Variants in CSGALNACT1 observed in about 807,000 individuals in gnomAD.
CSGALNACT1 encodes beta4GalNAcT-1.
In CSGALNACT1, 52 loss-of-function variants were observed where a neutral mutation model predicts 51.0. The observed-to-expected ratio is 1.02, with a 90% CI of 0.82 to 1.29. The LOEUF is 1.29. Ranked by LOEUF, CSGALNACT1 falls within the 50% of genes most tolerant of loss-of-function variation. The pLI is 0.00. For missense variants in CSGALNACT1, 935 were observed against 679.2 expected, an observed-to-expected ratio of 1.38 and a Z score of -4.19; for synonymous variants, 341 against 254.4, an observed-to-expected ratio of 1.34 and a Z score of -3.24.
At chr8:19,624,615 C>G (rs987093161) in intron 1 of CSGALNACT1, among the ~76,000 whole-genome samples, 8 of 151,832 alleles carry the variant, frequency 5.3e-5, no homozygotes, top group Non-Finnish European at 8.8e-5. Flanking sequence ...GGAGTCTCCC[C>G]CAAATGGTGA....
intron 5 of CSGALNACT1, among the ~76,000 whole-genome samples, chr8:19,457,293 C>A (rs1278284060): frequency 6.6e-6 from 1 of 152,152 alleles, no homozygotes; most frequent in Non-Finnish European, 1.5e-5. Flanking sequence ...GAACATTATG[C>A]CTTTCAATAA....
intron 3 of CSGALNACT1, among the ~76,000 whole-genome samples, chr8:19,586,407 G>GAAAAAAAAA (rs34752027): frequency 1.1e-5 from 1 of 94,812 alleles, no homozygotes; most frequent in Non-Finnish European, 2.6e-5. Context: ...TAGTCTTATA[G>GAAAAAAAAA]AAAAAAAAAA....
Position 19,478,240 on chromosome 8 carries a change from C to T in CSGALNACT1, c.635-19598G>A, listed in dbSNP as rs532461296. Among the ~76,000 whole-genome samples the T allele has an allele frequency of 7.2e-5, 11 of 151,912 alleles. No individual in the cohort carries two copies. The East Asian group carries it at 1.9e-3, about 27-fold the overall frequency. On this transcript the variant is annotated intron_variant, in intron 4 of 9. Coordinates refer to ENST00000454498, the Ensembl canonical transcript of CSGALNACT1. ...CCATCCTGGCTAACATGGTGAAACCCCGTCTCTACTAAAAATACAAAAAAT... is the reference window on the plus strand; with the variant it reads ...CCATCCTGGCTAACATGGTGAAACCTCGTCTCTACTAAAAATACAAAAAAT...
chr8:19,599,476 G>GAA (rs1554751276), intron 2 of CSGALNACT1, among the ~76,000 whole-genome samples: 1 of 61,150 alleles, frequency 1.6e-5, no homozygotes, highest in African/African-American at 6.4e-5. Context: ...GAAAGAAAAA[G>GAA]AAAGAAAGAA....
At chr8:19,748,380 T>G (rs2064814518) in intron 1 of CSGALNACT1, among the ~76,000 whole-genome samples, 1 of 152,150 alleles carries the variant, frequency 6.6e-6, no homozygotes, top group Non-Finnish European at 1.5e-5. Flanking sequence ...ATTCAAGATA[T>G]ATTTGATTAT....
At chr8:19,756,037 TA>T (rs1188828847) in intron 1 of CSGALNACT1, among the ~76,000 whole-genome samples, 6 of 152,154 alleles carry the variant, frequency 3.9e-5, no homozygotes, top group Non-Finnish European at 8.8e-5. Context: ...AAGGCTTACA[TA>T]AAAATTCATC....
chr8:19,512,641 G>A (rs561628208), intron 3 of CSGALNACT1, among the ~76,000 whole-genome samples: 15 of 152,116 alleles, frequency 9.9e-5, no homozygotes, highest in South Asian at 8.3e-4. Context: ...TCAGTTCTCC[G>A]TTTGAGAAAA....
intron 4 of CSGALNACT1, among the ~76,000 whole-genome samples, chr8:19,463,331 G>T (rs2065960654): frequency 6.6e-6 from 1 of 152,116 alleles, no homozygotes; most frequent in African/African-American, 2.4e-5. Flanking sequence ...TCCAGCAAAA[G>T]CCATACCCAG....
chr8:19,460,694 C>A (rs898635329), intron 4 of CSGALNACT1, among the ~76,000 whole-genome samples: 5 of 152,182 alleles, frequency 3.3e-5, no homozygotes, highest in African/African-American at 9.7e-5. Context: ...GATTTCTCTC[C>A]TGCCTAGAGT....
Position 19,466,716 on chromosome 8 carries a change from T to C in CSGALNACT1, c.635-8074A>G, listed in dbSNP as rs147300647. On this transcript the variant is annotated intron_variant, in intron 4 of 9. Transcript: ENST00000454498. ...TATAAATCCTCACATGCTCAGACGC[T>C]AGAAGGCAAATCACTCACCCCATGA... Among the ~76,000 whole-genome samples the C allele has an allele frequency of 1.6e-3, 250 of 152,182 alleles. 1 individual carries two copies. The highest frequency in any genetic ancestry group is 5.8e-3 in the African/African-American group (240 of 41,436).
intron 1 of CSGALNACT1, among the ~76,000 whole-genome samples, chr8:19,669,491 AC>A (rs1445648262): frequency 6.6e-6 from 1 of 152,146 alleles, no homozygotes; most frequent in Non-Finnish European, 1.5e-5. Context: ...TCCCTCTGTC[AC>A]CCAGGCTGGA....
chr8:19,468,390 C>T (rs778376790), intron 4 of CSGALNACT1, among the ~76,000 whole-genome samples: 69 of 152,010 alleles, frequency 4.5e-4, no homozygotes, highest in Non-Finnish European at 6.9e-4. Context: ...TGGAGCGGGA[C>T]GAGGGGTCAC....
upstream of CSGALNACT1, among the ~76,000 whole-genome samples, chr8:19,683,793 A>G (rs932330738): frequency 2.6e-5 from 4 of 151,226 alleles, no homozygotes; most frequent in African/African-American, 4.9e-5. Context: ...AAATGTAAGA[A>G]AAGTCAAGAA....
intron 1 of CSGALNACT1, among the ~76,000 whole-genome samples, chr8:19,681,748 G>T (rs1454339657): frequency 1.3e-5 from 2 of 152,220 alleles, no homozygotes; most frequent in African/African-American, 4.8e-5. Flanking sequence ...CCTGCCCTGG[G>T]AATGCCAGGC....
At chr8:19,537,871 A>G (rs956532571) in intron 3 of CSGALNACT1, among the ~76,000 whole-genome samples, 1 of 152,258 alleles carries the variant, frequency 6.6e-6, no homozygotes, top group African/African-American at 2.4e-5. Context: ...CAAAAGCATA[A>G]GAACTATCAA....
intron 1 of CSGALNACT1, among the ~76,000 whole-genome samples, chr8:19,669,305 C>T (rs930583058): frequency 5.9e-5 from 9 of 152,176 alleles, no homozygotes; most frequent in Non-Finnish European, 1.2e-4. Context: ...ACTTTCTCTT[C>T]AATTTTATTA....
intron 8 of CSGALNACT1, among the ~76,000 whole-genome samples, chr8:19,412,534 G>A (rs549533055): frequency 1.4e-4 from 21 of 152,266 alleles, no homozygotes; most frequent in Non-Finnish European, 2.5e-4. Flanking sequence ...CAGGCAGAGC[G>A]CCTCCTTTCA....
At chr8:19,413,744 C>T (rs537106797) in intron 8 of CSGALNACT1, among the ~76,000 whole-genome samples, 28 of 152,260 alleles carry the variant, frequency 1.8e-4, no homozygotes, top group East Asian at 1.5e-3. Context: ...ATTTAACTGA[C>T]GGGTAAGACC....
At chr8:19,470,924 C>T (rs559759316) in intron 4 of CSGALNACT1, among the ~76,000 whole-genome samples, 9 of 152,016 alleles carry the variant, frequency 5.9e-5, no homozygotes, top group Non-Finnish European at 1.3e-4. Flanking sequence ...GGTGAAACCC[C>T]GTTTCTACTA....
Sources: allele counts gnomAD v4.1 joint callset (sites outside exome capture counted in the v4.1 genomes callset), GRCh38; gene constraint gnomAD v4.1.1; transcripts MANE v1.5; gene names NCBI Gene and HGNC (gene_info 2026-07-23, HGNC 2026-07-21).